Variants in TRHDE observed in about 807,000 individuals in gnomAD.
TRHDE encodes thyrotropin-releasing hormone-degrading ectoenzyme.
In TRHDE, 72 loss-of-function variants were observed where a neutral mutation model predicts 125.7. The ratio of observed to expected loss-of-function variants is 0.57; its 90% CI spans 0.47 to 0.70. TRHDE has a LOEUF of 0.70. Ranked by LOEUF, TRHDE falls within the 30% of genes least tolerant of loss-of-function variation. The probability of loss-of-function intolerance (pLI) is 0.00; values close to 1 mark genes in which losing one functional copy is unlikely to be tolerated. For missense variants in TRHDE, 1,110 were observed against 1,327.1 expected (o/e 0.84, Z 2.54); for synonymous variants, 509 against 509.1 (o/e 1.00, Z 0.00).
At chr12:72,363,980 GACAA>G (rs1170136122) in intron 2 of TRHDE, among the ~76,000 whole-genome samples, 4 of 151,936 alleles carry the variant, frequency 2.6e-5, no homozygotes, top group African/African-American at 9.7e-5. Flanking sequence ...ACCAATAACA[GACAA>G]ACAGAGAGCC....
At position 72,252,658 on chromosome 12, in the gene TRHDE, AG is replaced by A. The variant is rs200920719; in HGVS notation, n.280-125336del. Among the ~76,000 whole-genome samples, 122 of 152,240 alleles carry A rather than the reference AG, an allele frequency of 8.0e-4. No homozygotes were observed. In the East Asian group the frequency reaches 0.012, roughly 14 times the overall value. The stretch of plus-strand genomic sequence containing the variant: ...TTTCATATAAATTTTAGAATAGGCT[AG>A]CCAATGCCTACAAAAAACTTCCCTG... On this transcript the variant is annotated intron_variant and non_coding_transcript_variant, in intron 2 of 4. Transcript: ENST00000548156.
chr12:72,198,859 G>C (rs1877496449), intron 2 of TRHDE, among the ~76,000 whole-genome samples: 1 of 151,920 alleles, frequency 6.6e-6, no homozygotes, highest in Non-Finnish European at 1.5e-5. Context: ...TGCATGGCTG[G>C]TGAGGCCTCA....
At chr12:72,547,606 C>G (rs865786495) in intron 7 of TRHDE, among the ~76,000 whole-genome samples, 1 of 151,722 alleles carries the variant, frequency 6.6e-6, no homozygotes, top group Non-Finnish European at 1.5e-5. Context: ...TCCTACCTCC[C>G]CAGGTGGGCC....
At chr12:72,515,316 T>A (rs1274147132) in intron 6 of TRHDE, among the ~76,000 whole-genome samples, 4 of 140,208 alleles carry the variant, frequency 2.9e-5, no homozygotes, top group African/African-American at 8.4e-5. Flanking sequence ...CCTGACTTTT[T>A]AATGATTGCC....
rs1306789652 is a variant in TRHDE at position 72,638,419 on chromosome 12, C to G, written c.2676-13903C>G. ...TTGTCTCTGCACGTGAGATGGGTTT[C>G]CTGAATACAGCACACTGATGGGTCT... On this transcript the variant is annotated intron_variant, in intron 15 of 18. Coordinates refer to ENST00000261180, the MANE Select transcript of TRHDE (RefSeq NM_013381.3). Among the ~76,000 whole-genome samples the G allele has an allele frequency of 3.3e-5, 5 of 152,082 alleles. No homozygotes were observed. The East Asian group carries it at 9.7e-4, about 29-fold the overall frequency.
chr12:72,195,731 G>A (rs1429759002), intron 2 of TRHDE, among the ~76,000 whole-genome samples: 1 of 152,062 alleles, frequency 6.6e-6, no homozygotes, highest in African/African-American at 2.4e-5. Flanking sequence ...AGTTTAATGA[G>A]GTCCCACTTG....
At chr12:72,370,470 C>T (rs1320546011) in intron 2 of TRHDE, among the ~76,000 whole-genome samples, 4 of 152,068 alleles carry the variant, frequency 2.6e-5, no homozygotes, top group South Asian at 2.1e-4. Flanking sequence ...TTGCTTGTGC[C>T]GACGGTATTA....
intron 2 of TRHDE, among the ~76,000 whole-genome samples, chr12:72,334,574 A>AG (rs1208661227): frequency 6.6e-6 from 1 of 152,200 alleles, no homozygotes; most frequent in African/African-American, 2.4e-5. Context: ...ATCTGCAACC[A>AG]GGGGGTCCCT....
intron 2 of TRHDE, among the ~76,000 whole-genome samples, chr12:72,298,081 A>C (rs1880371356): frequency 6.6e-6 from 1 of 152,232 alleles, no homozygotes; most frequent in East Asian, 1.9e-4. Context: ...TATAATCTAC[A>C]GTTTATCAAC....
At chr12:72,280,214 A>T (rs762484429) in intron 1 of TRHDE, among the ~76,000 whole-genome samples, 6 of 152,174 alleles carry the variant, frequency 3.9e-5, no homozygotes, top group Non-Finnish European at 7.4e-5. Context: ...TAGTGTCCTC[A>T]TCTGGAAAGT....
intron 2 of TRHDE, among the ~76,000 whole-genome samples, chr12:72,313,975 C>T (rs1437253390): frequency 1.3e-5 from 2 of 152,112 alleles, no homozygotes; most frequent in African/African-American, 4.8e-5. Context: ...TTGCATCACT[C>T]CCACAGGACC....
intron 2 of TRHDE, among the ~76,000 whole-genome samples, chr12:72,294,906 A>T (rs1592525582): frequency 6.6e-6 from 1 of 151,820 alleles, no homozygotes; most frequent in Admixed American, 6.6e-5. Context: ...GCATGTGCAC[A>T]CCCAGCAGTG....
intron 1 of TRHDE, among the ~76,000 whole-genome samples, chr12:72,096,455 G>T (rs1874924746): frequency 6.6e-6 from 1 of 152,180 alleles, no homozygotes; most frequent in African/African-American, 2.4e-5. Flanking sequence ...AGAATCCTGA[G>T]TATCTTTATC....
intron 6 of TRHDE, among the ~76,000 whole-genome samples, chr12:72,527,967 A>G (rs1442594926): frequency 6.6e-6 from 1 of 152,168 alleles, no homozygotes; most frequent in Non-Finnish European, 1.5e-5. Context: ...GGCTAACACT[A>G]TGCTCAACTT....
At chr12:72,553,849 CTTTTT>C (rs56187409) in intron 7 of TRHDE, among the ~76,000 whole-genome samples, 1 of 133,796 alleles carries the variant, frequency 7.5e-6, no homozygotes, top group Non-Finnish European at 1.6e-5. Flanking sequence ...TCTTTTCCTT[CTTTTT>C]TTTTTTTTTT....
At chr12:72,537,701 CA>C (rs1271124608) in intron 6 of TRHDE, among the ~76,000 whole-genome samples, 1 of 152,050 alleles carries the variant, frequency 6.6e-6, no homozygotes, top group Non-Finnish European at 1.5e-5. Context: ...AACCTACTTC[CA>C]GTCTTTCCAA....
intron 2 of TRHDE, among the ~76,000 whole-genome samples, chr12:72,131,856 C>A (rs879472544): frequency 6.6e-6 from 1 of 152,098 alleles, no homozygotes. Flanking sequence ...ACATCATTAG[C>A]CAAGGCAAGG....
intron 1 of TRHDE, among the ~76,000 whole-genome samples, chr12:72,090,570 C>T (rs947402989): frequency 6.6e-6 from 1 of 152,106 alleles, no homozygotes; most frequent in Non-Finnish European, 1.5e-5. Flanking sequence ...AATTTTGATG[C>T]TTCATGTTCT....
intron 6 of TRHDE, among the ~76,000 whole-genome samples, chr12:72,535,553 T>C (rs1347793651): frequency 6.6e-6 from 1 of 152,102 alleles, no homozygotes; most frequent in East Asian, 1.9e-4. Context: ...CCCCTTTCAT[T>C]CTCTTTTTTC....
Sources: allele counts gnomAD v4.1 joint callset (sites outside exome capture counted in the v4.1 genomes callset), GRCh38; gene constraint gnomAD v4.1.1; transcripts MANE v1.5; gene names NCBI Gene and HGNC (gene_info 2026-07-23, HGNC 2026-07-21).